IL27RA: variants seen among roughly 807,000 people sequenced by gnomAD.
IL27RA encodes interleukin-27 receptor subunit alpha.
Under a neutral mutation model 80.8 loss-of-function variants are expected in IL27RA, and 61 were observed. That is an observed-to-expected ratio of 0.76 (90% confidence interval 0.61 to 0.93). The LOEUF (loss-of-function observed/expected upper bound fraction) is 0.93. Among genes scored for constraint, IL27RA ranks in the 40% least tolerant of loss-of-function variants. The probability of loss-of-function intolerance (pLI) is 0.00; values close to 1 mark genes in which losing one functional copy is unlikely to be tolerated. For synonymous variants in IL27RA, 316 were observed against 332.5 expected (o/e 0.95, Z 0.54); for missense variants, 735 against 808.1 (o/e 0.91, Z 1.10).
chr19:14,042,409 G>A (rs775178439), intron 4 of IL27RA, 44 bp from the exon 5 acceptor site: 1 of 1,570,556 alleles, frequency 6.4e-7, no homozygotes, highest in African/African-American at 1.4e-5. Flanking sequence ...AAATACCCTT[G>A]ACTCAGGCCC....
At chr19:14,033,819 G>A (rs1026504475) in intron 2 of IL27RA, among the ~76,000 whole-genome samples, 1 of 151,866 alleles carries the variant, frequency 6.6e-6, no homozygotes, top group Admixed American at 6.6e-5. Context: ...ACAAAGATTA[G>A]CCGATGTGGT....
intron 6 of IL27RA, among the ~76,000 whole-genome samples, chr19:14,043,164 C>T (rs976074475): frequency 2.0e-5 from 3 of 151,836 alleles, no homozygotes; most frequent in Admixed American, 6.6e-5. Flanking sequence ...ACAAACAAAA[C>T]CCAATGACAT....
rs150402683 is a variant in IL27RA, at chr19:14,035,306, G to C, written c.218+2803G>C. 3.2e-3 allele frequency among the ~76,000 whole-genome samples: 494 copies of C among 152,024 alleles called. 1 individual carries two copies. The highest frequency in any genetic ancestry group is 6.9e-3 in the Admixed American group (106 of 15,254). On this transcript the variant is annotated intron_variant, in intron 2 of 13. Coordinates refer to ENST00000263379, the MANE Select transcript of IL27RA (RefSeq NM_004843.4). ...GTCACTGTGCCTGGCCAAAATCTAC[G>C]ATCTTAACCATTTTTAAGTGTCCAG...
intron 6 of IL27RA, 21 bp downstream of exon 6, chr19:14,042,810 AC>A: frequency 6.2e-7 from 1 of 1,605,880 alleles, no homozygotes. Context: ...GGCACCAGTT[AC>A]ATTTCTCTGC....
chr19:14,040,392 A>G (rs894311286), intron 4 of IL27RA, among the ~76,000 whole-genome samples: 1 of 151,142 alleles, frequency 6.6e-6, no homozygotes, highest in Non-Finnish European at 1.5e-5. Context: ...CTCCTGCCAA[A>G]ATAATCTATC....
At position 14,052,128 on chromosome 19, in the gene IL27RA, G is replaced by A. The variant is rs1359520048; in HGVS notation, c.1749G>A (p.Leu583=). ...QVPEAQPLGD[L]PILEVEEMEP... is the part of the protein sequence containing the mutation. ...CTGAGGCCCAGCCCCTTGGGGACTT[G>A]CCCATCCTGGAAGTGGAGGAGATGG... The change falls in exon 14 of 14, where the codon TTG becomes TTA. Residue 583 remains leucine, a synonymous_variant. Transcript: ENST00000263379. 6.2e-7 allele frequency: 1 copy of A among 1,613,206 alleles called. No individual in the cohort carries two copies. The highest frequency in any genetic ancestry group is 8.5e-7 in the Non-Finnish European group (1 of 1,179,814).
Position 14,046,595 on chromosome 19 carries a change from G to T in IL27RA, c.1118G>T (p.Gly373Val), listed in dbSNP as rs772761121. The change falls in exon 8 of 14, where the codon GGG becomes GTG. Residue 373 changes from glycine (G) to valine (V), a missense_variant. Gly to Val is a moderately radical substitution (Grantham distance 109, BLOSUM62 -3). Coordinates refer to ENST00000263379, the MANE Select transcript of IL27RA (RefSeq NM_004843.4). ...EKLNWVRLPP[G>V]NLSALLPGNF... Reference sequence around the variant, plus strand: ...CTCAACTGGGTCCGGCTTCCCCCTGGGAACCTCAGTGCTCTGTTACCAGGT... The same window carrying T: ...CTCAACTGGGTCCGGCTTCCCCCTGTGAACCTCAGTGCTCTGTTACCAGGT... The T allele has an allele frequency of 6.2e-7, 1 of 1,609,878 alleles. No individual in the cohort carries two copies. The highest frequency in any genetic ancestry group is 1.1e-5 in the South Asian group (1 of 90,502).
At chr19:14,038,587 AAGAG>A (rs938641254) in intron 2 of IL27RA, among the ~76,000 whole-genome samples, 54 of 148,916 alleles carry the variant, frequency 3.6e-4, no homozygotes, top group East Asian at 1.0e-3. Flanking sequence ...AAAAAAAAAA[AAGAG>A]AGAGAGGAAA....
At chr19:14,033,802 TA>T (rs1381047178) in intron 2 of IL27RA, among the ~76,000 whole-genome samples, 1 of 151,870 alleles carries the variant, frequency 6.6e-6, no homozygotes, top group East Asian at 1.9e-4. Context: ...CTGTCTCCAC[TA>T]AAAATACAAA....
In IL27RA at chr19:14,039,908, C is replaced by T; in HGVS notation, c.532C>T (p.Leu178=). 6.2e-7 allele frequency: 1 copy of T among 1,613,912 alleles called. No individual in the cohort carries two copies. Among genetic ancestry groups the T allele is most frequent in the East Asian group, 2.2e-5 (1 of 44,882 alleles). ...YRRCQEAAWT[L]LEPELKTIPL... is the part of the protein sequence containing the mutation. ...AAGATGTCAGGAGGCGGCCTGGACC[C>T]TGGTGAGTGCTGGGGTCCTTTTCTC... The change falls in exon 4 of 14, where the codon CTG becomes TTG. Residue 178 remains leucine (L), a splice_region_variant and synonymous_variant. Coordinates refer to ENST00000263379, the MANE Select transcript of IL27RA (RefSeq NM_004843.4).
At chr19:14,041,806 C>T (rs971082369) in intron 4 of IL27RA, among the ~76,000 whole-genome samples, 18 of 152,250 alleles carry the variant, frequency 1.2e-4, no homozygotes, top group African/African-American at 4.1e-4. Context: ...GGCGCAGTAG[C>T]TCTAATCCCA....
rs1262873012 is a variant in IL27RA at position 14,039,766 on chromosome 19, C to T, written c.390C>T (p.Ala130=). The T allele has an allele frequency of 6.2e-7, 1 of 1,613,900 alleles. No homozygotes were observed. Among genetic ancestry groups the T allele is most frequent in the Non-Finnish European group, 8.5e-7 (1 of 1,179,884 alleles). The change falls in exon 4 of 14, where the codon GCC becomes GCT. Residue 130 remains alanine (A), a synonymous_variant. Transcript: ENST00000263379. ...VNLETQMKPN[A]PRLGPDVDFS... ...CCCCTTCCCCAGTGAAGCCAAACGC[C>T]CCCCGGCTGGGCCCTGACGTGGACT...
chr19:14,052,591 C>T lies in IL27RA; in HGVS notation c.*301C>T, dbSNP rs1487928519. 1 of 301,412 alleles carries T rather than the reference C, an allele frequency of 3.3e-6. No individual in the cohort carries two copies. Among genetic ancestry groups the T allele is most frequent in the Admixed American group, 4.7e-5 (1 of 21,262 alleles). The allele number at this position is 301,412 out of a possible 1,614,324, so 18.7% of individuals were successfully genotyped here. On this transcript the variant is annotated 3_prime_UTR_variant, in exon 14 of 14. Coordinates refer to ENST00000263379, the MANE Select transcript of IL27RA (RefSeq NM_004843.4). ...TAACAGAACTGAATTTGGACCCCAG[C>T]ACAGTGGCTCACGCCTGTAATCCCA... is the stretch of plus-strand genomic sequence containing the variant.
Position 14,042,807 on chromosome 19 carries a change from G to A in IL27RA, c.768+18G>A. On this transcript the variant is annotated intron_variant, in intron 6 of 13. Coordinates refer to ENST00000263379, the MANE Select transcript of IL27RA (RefSeq NM_004843.4). ...TATGGAAGGTGAGCTTCAGGCACCA[G>A]TTACATTTCTCTGCACGTGTTAGGA... 1 of 1,608,854 alleles carries A rather than the reference G, an allele frequency of 6.2e-7. No homozygotes were observed. Among genetic ancestry groups the A allele is most frequent in the Non-Finnish European group, 8.5e-7 (1 of 1,175,220 alleles).
chr19:14,044,981 C>T (rs534260684), intron 6 of IL27RA, among the ~76,000 whole-genome samples: 1 of 151,624 alleles, frequency 6.6e-6, no homozygotes, highest in East Asian at 1.9e-4. Flanking sequence ...ACAAATTAGC[C>T]GGGCGTGGTG....
chr19:14,032,551 C>A, intron 2 of IL27RA, 48 bp downstream of exon 2: 1 of 1,258,574 alleles, frequency 7.9e-7, no homozygotes, highest in Non-Finnish European at 1.2e-6. Context: ...GAGGTGGCCG[C>A]TCAGGCCCCA....
chr19:14,052,438 GA>G lies in IL27RA; in HGVS notation c.*149del. ...TTACCTGAGGACACCCAGCCAGGCA[GA>G]GCTGGGATTGAAGGACCCCTATAGA... is the stretch of plus-strand genomic sequence containing the variant. On this transcript the variant is annotated 3_prime_UTR_variant, in exon 14 of 14. Coordinates refer to ENST00000263379, the MANE Select transcript of IL27RA (RefSeq NM_004843.4). 3.2e-6 allele frequency: 2 copies of G among 621,086 alleles called. No homozygotes were observed. Among genetic ancestry groups the G allele is most frequent in the Non-Finnish European group, 5.2e-6 (2 of 385,180 alleles). The allele number at this position is 621,086 out of a possible 1,614,324, so 38.5% of individuals were successfully genotyped here. A position where few individuals can be genotyped will look rare whatever the true frequency, so the allele number is the denominator to read the frequency against.
intron 8 of IL27RA, among the ~76,000 whole-genome samples, chr19:14,048,235 G>A (rs1976099767): frequency 6.6e-6 from 1 of 151,978 alleles, no homozygotes; most frequent in South Asian, 2.1e-4. Flanking sequence ...TGGGATGACA[G>A]GCATGAGCCA....
chr19:14,037,579 C>T (rs1975922396), intron 2 of IL27RA, among the ~76,000 whole-genome samples: 1 of 151,874 alleles, frequency 6.6e-6, no homozygotes, highest in South Asian at 2.1e-4. Context: ...GTTAAACACA[C>T]CAGGCACAGT....
Sources: allele counts gnomAD v4.1 joint callset (sites outside exome capture counted in the v4.1 genomes callset), GRCh38; gene constraint gnomAD v4.1.1; transcripts MANE v1.5; gene names NCBI Gene and HGNC (gene_info 2026-07-23, HGNC 2026-07-21).